Variants in ATP8A2 observed in about 807,000 individuals in gnomAD.
ATP8A2 encodes the protein ATPase phospholipid transporting 8A2, also known as phospholipid-transporting ATPase IB.
ATP8A2 carries 100 observed loss-of-function variants against 165.6 expected under a neutral mutation model. The observed-to-expected ratio is 0.60, with a 90% confidence interval of 0.51 to 0.71. The LOEUF (loss-of-function observed/expected upper bound fraction) is 0.71, where lower values mean the gene tolerates loss of function less well. Among genes scored for constraint, ATP8A2 ranks in the 30% least tolerant of loss-of-function variants. ATP8A2 has a pLI of 0.00. For synonymous variants in ATP8A2, 543 were observed against 548.8 expected (o/e 0.99, Z 0.15); for missense variants, 1,227 against 1,479.5 (o/e 0.83, Z 2.80).
chr13:26,022,246 T>G lies in ATP8A2; in HGVS notation c.*2261T>G, dbSNP rs1957091549. ...ACGAAAACTGGAATTGAATGTGCAT[T>G]AGGCATCTTAACTATTCATATTTTG... is the stretch of plus-strand genomic sequence containing the variant. On this transcript the variant is annotated 3_prime_UTR_variant, in exon 37 of 37. Coordinates refer to ENST00000381655, the MANE Select transcript of ATP8A2 (RefSeq NM_016529.6). 6.6e-6 allele frequency: 1 copy of G among 152,236 alleles called. No homozygotes were observed. The highest frequency in any genetic ancestry group is 2.4e-5 in the African/African-American group (1 of 41,466). The allele number at this position is 152,236 out of a possible 1,614,324, so 9.4% of individuals were successfully genotyped here. A position where few individuals can be genotyped will look rare whatever the true frequency, so the allele number is the denominator to read the frequency against.
chr13:26,010,722 C>T (rs1006860513), intron 35 of ATP8A2, among the ~76,000 whole-genome samples: 1 of 152,206 alleles, frequency 6.6e-6, no homozygotes, highest in African/African-American at 2.4e-5. Flanking sequence ...ATTGCTCAGC[C>T]AGACCCGGTG....
At chr13:25,692,381 C>T (rs1459634498) in intron 24 of ATP8A2, among the ~76,000 whole-genome samples, 1 of 152,138 alleles carries the variant, frequency 6.6e-6, no homozygotes, top group Non-Finnish European at 1.5e-5. Context: ...AGCTGCTGCT[C>T]CATGGCATCT....
rs1566153465 is a variant in ATP8A2, at chr13:25,465,727, CTTTCTTTCTT to C, written c.77-3248_77-3239del. Among the ~76,000 whole-genome samples the C allele has an allele frequency of 5.1e-4, 30 of 59,374 alleles. 1 individual carries two copies. Among genetic ancestry groups the C allele is most frequent in the African/African-American group, 1.7e-3 (23 of 13,354 alleles). 39.0% of individuals were successfully genotyped at this position (59,374 alleles called of 152,430 possible). On this transcript the variant is annotated intron_variant, in intron 1 of 36. Transcript: ENST00000381655. ...TCTTTCTTTCTTTCTTTCTTTCTTT[CTTTCTTTCTT>C]TCCCTCCCTCCCTCTCTCTCTCTCT...
intron 27 of ATP8A2, among the ~76,000 whole-genome samples, chr13:25,824,820 A>G (rs548183225): frequency 4.6e-5 from 7 of 152,194 alleles, no homozygotes; most frequent in South Asian, 2.1e-4. Flanking sequence ...GATTCCTGAA[A>G]AAAAGGAGGG....
chr13:25,925,085 G>A (rs1954561750), intron 33 of ATP8A2, among the ~76,000 whole-genome samples: 1 of 152,082 alleles, frequency 6.6e-6, no homozygotes, highest in African/African-American at 2.4e-5. Context: ...AAAATTCTCA[G>A]TAATAACTAA....
intron 1 of ATP8A2, among the ~76,000 whole-genome samples, chr13:25,454,280 G>A (rs1316123900): frequency 6.6e-6 from 1 of 152,188 alleles, no homozygotes; most frequent in Admixed American, 6.5e-5. Context: ...AGTTGCTCAA[G>A]TGCTGTTGTC....
At chr13:25,892,425 A>G (rs1230284020) in intron 33 of ATP8A2, among the ~76,000 whole-genome samples, 1 of 149,804 alleles carries the variant, frequency 6.7e-6, no homozygotes, top group Non-Finnish European at 1.5e-5. Flanking sequence ...AAAATAAGTT[A>G]AAAGGCAATG....
chr13:25,791,449 G>T (rs2045170009), intron 27 of ATP8A2, among the ~76,000 whole-genome samples: 2 of 151,482 alleles, frequency 1.3e-5, no homozygotes, highest in South Asian at 4.2e-4. Context: ...TTAATACCTG[G>T]GTGATATAAT....
At chr13:25,946,111 CT>C (rs1955202226) in intron 33 of ATP8A2, among the ~76,000 whole-genome samples, 1 of 151,984 alleles carries the variant, frequency 6.6e-6, no homozygotes, top group African/African-American at 2.4e-5. Context: ...GTTAATTAAC[CT>C]TTTGAGTGTC....
intron 35 of ATP8A2, among the ~76,000 whole-genome samples, chr13:25,998,327 T>C (rs958481520): frequency 6.6e-6 from 1 of 152,170 alleles, no homozygotes; most frequent in Non-Finnish European, 1.5e-5. Flanking sequence ...TGCTTGGTCT[T>C]CTTTTTCACC....
At chr13:25,739,186 G>A (rs997583256) in intron 25 of ATP8A2, among the ~76,000 whole-genome samples, 1 of 152,246 alleles carries the variant, frequency 6.6e-6, no homozygotes, top group African/African-American at 2.4e-5. Context: ...GAACTGGAGT[G>A]TCAGCCTTCC....
chr13:25,386,820 A>T (rs1593238203), intron 1 of ATP8A2, among the ~76,000 whole-genome samples: 1 of 152,028 alleles, frequency 6.6e-6, no homozygotes, highest in African/African-American at 2.4e-5. Context: ...ACACGGTGAA[A>T]CCCCGTCTCT....
intron 12 of ATP8A2, among the ~76,000 whole-genome samples, chr13:25,554,511 A>ATGTG (rs145376745): frequency 2.4e-4 from 34 of 141,338 alleles, no homozygotes; most frequent in African/African-American, 6.5e-4. Context: ...AATATAAATC[A>ATGTG]TGTGTGTGTG....
chr13:25,531,271 G>T (rs1216832223), intron 4 of ATP8A2, among the ~76,000 whole-genome samples: 8 of 98,998 alleles, frequency 8.1e-5, no homozygotes, highest in African/African-American at 1.2e-4. Flanking sequence ...TGATATATAT[G>T]ATATATATGT....
chr13:25,407,747 G>T (rs554532629), intron 1 of ATP8A2, among the ~76,000 whole-genome samples: 21 of 152,310 alleles, frequency 1.4e-4, no homozygotes, highest in Admixed American at 3.9e-4. Flanking sequence ...TATTTGAGGG[G>T]TTAAGAAAGA....
intron 1 of ATP8A2, among the ~76,000 whole-genome samples, chr13:25,460,092 T>C (rs1384539478): frequency 6.6e-6 from 1 of 152,082 alleles, no homozygotes; most frequent in Non-Finnish European, 1.5e-5. Context: ...TCCCAGCTAC[T>C]TGGGAGGCTG....
In ATP8A2 at chr13:25,419,875, G is replaced by A. The variant is rs375251599; in HGVS notation, c.76+47587G>A. On this transcript the variant is annotated intron_variant, in intron 1 of 36. Transcript: ENST00000381655. ...GAAAGAGTGCTCTGCAAAGAACCCTGGCCCTTAATTTATATTTTCTGACAA... is the reference window on the plus strand; with the variant it reads ...GAAAGAGTGCTCTGCAAAGAACCCTAGCCCTTAATTTATATTTTCTGACAA... Among the ~76,000 whole-genome samples the A allele has an allele frequency of 3.9e-5, 6 of 151,934 alleles. No homozygotes were observed. The South Asian group carries it at 1.3e-3, about 32-fold the overall frequency.
chr13:25,608,614 C>T (rs2040578605), intron 24 of ATP8A2, among the ~76,000 whole-genome samples: 1 of 152,120 alleles, frequency 6.6e-6, no homozygotes, highest in South Asian at 2.1e-4. Flanking sequence ...CTTTGTGTGC[C>T]ATATGCTGTA....
At chr13:25,884,107 C>G (rs559349600) in intron 33 of ATP8A2, among the ~76,000 whole-genome samples, 1 of 152,098 alleles carries the variant, frequency 6.6e-6, no homozygotes, top group African/African-American at 2.4e-5. Flanking sequence ...TCCCTTGTAC[C>G]GACATGGTGG....
Sources: gnomAD v4.1 joint callset for allele counts (sites outside exome capture counted in the v4.1 genomes callset) on GRCh38, gnomAD v4.1.1 for gene constraint, MANE v1.5 for transcripts, NCBI Gene and HGNC (gene_info 2026-07-23, HGNC 2026-07-21) for gene names.